Variants in KCTD8 observed in about 807,000 individuals in gnomAD.
KCTD8 encodes BTB/POZ domain-containing protein KCTD8.
In KCTD8, 27 loss-of-function variants were observed where a neutral mutation model predicts 31.5. The observed-to-expected ratio is 0.86, with a 90% CI of 0.63 to 1.18. The LOEUF (loss-of-function observed/expected upper bound fraction) is 1.18, where lower values mean the gene tolerates loss of function less well. Ranked by LOEUF, KCTD8 falls within the 50% of genes most tolerant of loss-of-function variation. KCTD8 has a pLI of 0.00. For synonymous variants in KCTD8, 290 were observed against 280.0 expected (o/e 1.04, Z -0.36); for missense variants, 658 against 647.7 (o/e 1.02, Z -0.17).
intron 1 of KCTD8, among the ~76,000 whole-genome samples, chr4:44,180,045 T>C (rs1187700406): frequency 1.3e-5 from 2 of 152,170 alleles, no homozygotes; most frequent in African/African-American, 4.8e-5. Flanking sequence ...AATTTAAATA[T>C]CACCAACTAG....
chr4:44,281,243 C>T (rs1041636402), intron 1 of KCTD8, among the ~76,000 whole-genome samples: 1 of 152,082 alleles, frequency 6.6e-6, no homozygotes, highest in Admixed American at 6.6e-5. Flanking sequence ...TAAAATAATG[C>T]TGATCACATT....
chr4:44,349,856 T>C (rs1042241258), intron 1 of KCTD8, among the ~76,000 whole-genome samples: 8 of 152,168 alleles, frequency 5.3e-5, no homozygotes, highest in Non-Finnish European at 8.8e-5. Flanking sequence ...AAGTTAAAAA[T>C]TTTTAAATTG....
intron 1 of KCTD8, among the ~76,000 whole-genome samples, chr4:44,303,398 C>T (rs1403416635): frequency 6.6e-6 from 1 of 152,008 alleles, no homozygotes; most frequent in African/African-American, 2.4e-5. Context: ...AATTTCAGAT[C>T]CTGTTATTGG....
chr4:44,272,398 G>A (rs766587777), intron 1 of KCTD8, among the ~76,000 whole-genome samples: 26 of 151,688 alleles, frequency 1.7e-4, no homozygotes, highest in Admixed American at 3.9e-4. Context: ...TTGTCCCATC[G>A]CTCATACTTA....
At chr4:44,400,561 T>C (rs1321107441) in intron 1 of KCTD8, among the ~76,000 whole-genome samples, 1 of 151,728 alleles carries the variant, frequency 6.6e-6, no homozygotes, top group Non-Finnish European at 1.5e-5. Flanking sequence ...AAACCCTGCC[T>C]CAACTAAAAA....
intron 1 of KCTD8, among the ~76,000 whole-genome samples, chr4:44,191,703 T>C (rs746248115): frequency 1.3e-5 from 2 of 152,122 alleles, no homozygotes; most frequent in African/African-American, 4.8e-5. Flanking sequence ...CCTGGTAAAT[T>C]TGAGGTCAGA....
chr4:44,417,688 A>G lies in KCTD8; in HGVS notation c.961+29875T>C, dbSNP rs906149052. 8.4e-5 allele frequency among the ~76,000 whole-genome samples: 3 copies of G among 35,848 alleles called. No individual in the cohort carries two copies. In the Admixed American group the frequency reaches 9.1e-4, roughly 11 times the overall value. 23.5% of individuals were successfully genotyped at this position (35,848 alleles called of 152,430 possible). On this transcript the variant is annotated intron_variant, in intron 1 of 1. Transcript: ENST00000360029. Reference sequence around the variant, plus strand: ...ACTTTTGAATAAATGATGTTAGATAAAGAATAACAGAAGGACTAAATAAGT... The same window carrying G: ...ACTTTTGAATAAATGATGTTAGATAGAGAATAACAGAAGGACTAAATAAGT...
chr4:44,293,294 T>C (rs1717331829), intron 1 of KCTD8: 4 of 295,824 alleles, frequency 1.4e-5, no homozygotes, highest in South Asian at 1.2e-4. Flanking sequence ...TCAAATATAG[T>C]CAACCAAATT....
At chr4:44,219,242 G>A (rs1056069643) in intron 1 of KCTD8, among the ~76,000 whole-genome samples, 37 of 152,246 alleles carry the variant, frequency 2.4e-4, no homozygotes, top group African/African-American at 6.5e-4. Context: ...GTGACAACAC[G>A]AAACAAAAAC....
chr4:44,184,908 G>T (rs1006951854), intron 1 of KCTD8, among the ~76,000 whole-genome samples: 4 of 152,142 alleles, frequency 2.6e-5, no homozygotes, highest in African/African-American at 9.7e-5. Context: ...TAGATGGCAT[G>T]TATTACTCAG....
intron 1 of KCTD8, among the ~76,000 whole-genome samples, chr4:44,254,603 G>A (rs1280304974): frequency 6.9e-6 from 1 of 145,968 alleles, no homozygotes; most frequent in Non-Finnish European, 1.5e-5. Flanking sequence ...CCTCAATTCT[G>A]ATCTATGCCT....
chr4:44,373,678 G>A (rs1451075336), intron 1 of KCTD8, among the ~76,000 whole-genome samples: 1 of 152,114 alleles, frequency 6.6e-6, no homozygotes, highest in East Asian at 1.9e-4. Flanking sequence ...GCACTCAACA[G>A]ATAGTAAATA....
intron 1 of KCTD8, among the ~76,000 whole-genome samples, chr4:44,289,383 G>A (rs1234739009): frequency 6.6e-6 from 1 of 152,030 alleles, no homozygotes; most frequent in Non-Finnish European, 1.5e-5. Flanking sequence ...CATATCTAGG[G>A]ATAGAGCAAA....
intron 1 of KCTD8, among the ~76,000 whole-genome samples, chr4:44,350,139 C>T (rs1410305043): frequency 6.6e-6 from 1 of 152,184 alleles, no homozygotes; most frequent in East Asian, 1.9e-4. Context: ...TATTCTTCCT[C>T]CTCTGCCTGT....
chr4:44,269,475 C>G (rs960903341), intron 1 of KCTD8, among the ~76,000 whole-genome samples: 11 of 151,316 alleles, frequency 7.3e-5, no homozygotes, highest in African/African-American at 2.7e-4. Flanking sequence ...AGGACATAGG[C>G]ATGGGCAAGG....
intron 1 of KCTD8, among the ~76,000 whole-genome samples, chr4:44,407,633 G>A (rs766301563): frequency 5.3e-5 from 8 of 151,996 alleles, no homozygotes; most frequent in East Asian, 3.9e-4. Flanking sequence ...TGATCCACCC[G>A]CCTTGGCCTC....
intron 1 of KCTD8, among the ~76,000 whole-genome samples, chr4:44,357,235 A>G (rs1234280471): frequency 1.3e-5 from 2 of 152,198 alleles, no homozygotes; most frequent in Non-Finnish European, 2.9e-5. Context: ...AACTTGACAA[A>G]AGCAACAAAA....
In KCTD8 at chr4:44,349,083, A is replaced by ACCG. The variant is rs1257511591; in HGVS notation, c.961+98479_961+98480insCGG. On this transcript the variant is annotated intron_variant, in intron 1 of 1. Coordinates refer to ENST00000360029, the MANE Select transcript of KCTD8 (RefSeq NM_198353.3). ...CATCGCTGCCACCGCCACCACCACC[A>ACCG]CCACCACCACCACTACCACCAATGC... Among the ~76,000 whole-genome samples the ACCG allele has an allele frequency of 5.2e-3, 640 of 124,240 alleles. 5 individuals are homozygous for ACCG. The highest frequency in any genetic ancestry group is 0.018 in the African/African-American group (591 of 32,516). The allele number at this position is 124,240 out of a possible 152,430, so 81.5% of individuals were successfully genotyped here.
intron 1 of KCTD8, among the ~76,000 whole-genome samples, chr4:44,261,569 A>C: frequency 6.6e-6 from 1 of 151,836 alleles, no homozygotes; most frequent in East Asian, 1.9e-4. Context: ...AAAGTTTGTA[A>C]ATTTTGACCA....
Sources: allele counts gnomAD v4.1 joint callset (sites outside exome capture counted in the v4.1 genomes callset), GRCh38; gene constraint gnomAD v4.1.1; transcripts MANE v1.5; gene names NCBI Gene and HGNC (gene_info 2026-07-23, HGNC 2026-07-21).